Variants in ARHGAP31 observed in about 807,000 individuals in gnomAD.
The protein encoded by ARHGAP31 is Rho GTPase activating protein 31, also known as rho GTPase-activating protein 31.
A neutral mutation model predicts 113.9 loss-of-function variants in ARHGAP31; 34 were observed. That is an observed-to-expected ratio of 0.30 (90% CI 0.23 to 0.40). The LOEUF (loss-of-function observed/expected upper bound fraction) is 0.40, where lower values mean the gene tolerates loss of function less well. Ranked by LOEUF, ARHGAP31 falls within the 10% of genes least tolerant of loss-of-function variation. The pLI is 1.00. For synonymous variants in ARHGAP31, 650 were observed against 684.8 expected (o/e 0.95, Z 0.79); for missense variants, 1,548 against 1,767.1 (o/e 0.88, Z 2.22).
intron 6 of ARHGAP31, among the ~76,000 whole-genome samples, chr3:119,387,136 A>G (rs1406560771): frequency 6.6e-6 from 1 of 152,140 alleles, no homozygotes; most frequent in East Asian, 1.9e-4. Context: ...TCTGCTAAGT[A>G]GTGGGTGTTG....
At chr3:119,322,889 G>C (rs900068022) in intron 1 of ARHGAP31, 1 of 153,656 alleles carries the variant, frequency 6.5e-6, no homozygotes, top group Non-Finnish European at 1.4e-5. Flanking sequence ...GGGGTCCCGG[G>C]TGCCCTCTGC....
At position 119,295,187 on chromosome 3, in the gene ARHGAP31, T is replaced by C. The variant is rs79691701; in HGVS notation, c.100+183T>C. Among the ~76,000 whole-genome samples, 1,477 of 151,884 alleles carry C rather than the reference T, an allele frequency of 9.7e-3. 16 individuals carry two copies. The highest frequency in any genetic ancestry group is 0.033 in the African/African-American group (1,349 of 41,392). On this transcript the variant is annotated intron_variant, in intron 1 of 11. Transcript: ENST00000264245. ...AAACGATTCTTAAGGTGCACAGCGCTGCTGTCCCGACGCGCAGAGGCTGCT... is the reference window on the plus strand; with the variant it reads ...AAACGATTCTTAAGGTGCACAGCGCCGCTGTCCCGACGCGCAGAGGCTGCT...
At chr3:119,327,330 G>A (rs1376972922) in intron 1 of ARHGAP31, among the ~76,000 whole-genome samples, 1 of 151,764 alleles carries the variant, frequency 6.6e-6, no homozygotes, top group African/African-American at 2.4e-5. Context: ...ATCACCTGAG[G>A]TCAGGGAGTT....
intron 1 of ARHGAP31, among the ~76,000 whole-genome samples, chr3:119,311,348 A>G (rs1162635857): frequency 6.6e-6 from 1 of 152,030 alleles, no homozygotes; most frequent in Non-Finnish European, 1.5e-5. Flanking sequence ...TCCTTGACTC[A>G]TGTCACCTTT....
At chr3:119,361,606 T>C (rs2080207253) in intron 1 of ARHGAP31, among the ~76,000 whole-genome samples, 1 of 152,162 alleles carries the variant, frequency 6.6e-6, no homozygotes, top group Non-Finnish European at 1.5e-5. Flanking sequence ...GGTCTCAAAC[T>C]CCTGACCTCA....
chr3:119,403,075 T>C (rs986926333), intron 10 of ARHGAP31, among the ~76,000 whole-genome samples: 16 of 152,210 alleles, frequency 1.1e-4, no homozygotes, highest in African/African-American at 3.6e-4. Flanking sequence ...AGAGTTTCTT[T>C]AATTAACAAG....
At position 119,416,563 on chromosome 3, in the gene ARHGAP31, T is replaced by C; in HGVS notation, c.*299T>C. Reference sequence around the variant, plus strand: ...CTTTGGAGCTTGTATGTGAGTCAGATTGCTCCCCTATTGCTATTATCTATT... The same window carrying C: ...CTTTGGAGCTTGTATGTGAGTCAGACTGCTCCCCTATTGCTATTATCTATT... On this transcript the variant is annotated 3_prime_UTR_variant, in exon 12 of 12. Transcript: ENST00000264245. 1 of 432,422 alleles carries C rather than the reference T, an allele frequency of 2.3e-6. No homozygotes were observed. The highest frequency in any genetic ancestry group is 4.3e-6 in the Non-Finnish European group (1 of 231,836). 26.8% of individuals were successfully genotyped at this position (432,422 alleles called of 1,614,324 possible). A position where few individuals can be genotyped will look rare whatever the true frequency, so the allele number is the denominator to read the frequency against.
chr3:119,348,568 G>A (rs2080082674), intron 1 of ARHGAP31, among the ~76,000 whole-genome samples: 1 of 152,144 alleles, frequency 6.6e-6, no homozygotes, highest in South Asian at 2.1e-4. Context: ...CAAAATCTAT[G>A]GATTGTCAAG....
intron 3 of ARHGAP31, among the ~76,000 whole-genome samples, chr3:119,371,268 C>T (rs939531429): frequency 4.6e-5 from 7 of 152,188 alleles, no homozygotes; most frequent in South Asian, 4.1e-4. Context: ...TAGCCCTTGT[C>T]TACAGGCTCA....
At chr3:119,393,734 A>G in intron 8 of ARHGAP31, 143 bp downstream of exon 8, 1 of 1,233,698 alleles carries the variant, frequency 8.1e-7, no homozygotes, top group Non-Finnish European at 1.1e-6. Flanking sequence ...GTCTTTTTTC[A>G]AAACATTTTA....
At chr3:119,326,719 C>T (rs2079847189) in intron 1 of ARHGAP31, among the ~76,000 whole-genome samples, 3 of 152,202 alleles carry the variant, frequency 2.0e-5, no homozygotes, top group Admixed American at 2.0e-4. Context: ...CGTTTTGCCA[C>T]ACATGATGCT....
intron 10 of ARHGAP31, 101 bp from the exon 11 acceptor site, chr3:119,409,395 C>T: frequency 7.2e-7 from 1 of 1,394,172 alleles, no homozygotes; most frequent in Non-Finnish European, 1.0e-6. Context: ...TTCCCTCCAT[C>T]CTTCTGAAAC....
chr3:119,343,975 T>C (rs1020076511), intron 1 of ARHGAP31, among the ~76,000 whole-genome samples: 10 of 152,082 alleles, frequency 6.6e-5, no homozygotes, highest in African/African-American at 2.4e-4. Flanking sequence ...GGAGGGCAAA[T>C]AGGAGTCAGA....
intron 1 of ARHGAP31, chr3:119,329,898 C>T (rs886976300): frequency 1.0e-6 from 1 of 985,302 alleles, no homozygotes; most frequent in African/African-American, 1.7e-5. Flanking sequence ...TGCTGAGAAA[C>T]CTGGTAAATG....
chr3:119,416,883 A>G lies in ARHGAP31; in HGVS notation c.*619A>G, dbSNP rs565690237. ...TGCTCTTTCCCTGGAATCCCTGGAG[A>G]CCTGTCCAAGATGATTTCCATATAC... On this transcript the variant is annotated 3_prime_UTR_variant, in exon 12 of 12. Transcript: ENST00000264245. 6.1e-6 allele frequency: 1 copy of G among 162,750 alleles called. No homozygotes were observed. The highest frequency in any genetic ancestry group is 5.8e-5 in the Admixed American group (1 of 17,194). The allele number at this position is 162,750 out of a possible 1,614,324, so 10.1% of individuals were successfully genotyped here.
chr3:119,314,679 C>T (rs1039035628), intron 1 of ARHGAP31: 11 of 152,412 alleles, frequency 7.2e-5, no homozygotes, highest in African/African-American at 2.7e-4. Flanking sequence ...AAGGGATCCA[C>T]TGATGGAGGT....
At chr3:119,383,656 A>G (rs914676019) in intron 6 of ARHGAP31, among the ~76,000 whole-genome samples, 9 of 152,200 alleles carry the variant, frequency 5.9e-5, no homozygotes, top group Non-Finnish European at 1.2e-4. Context: ...TCTTAGAGGA[A>G]CAAGTTAAGA....
intron 1 of ARHGAP31, 62 bp from the exon 2 acceptor site, chr3:119,365,254 C>T (rs991551113): frequency 7.2e-7 from 1 of 1,390,782 alleles, no homozygotes; most frequent in South Asian, 1.2e-5. Flanking sequence ...AAAAGGATAT[C>T]TTTAAAAGAC....
intron 1 of ARHGAP31, chr3:119,324,827 C>A (rs531882205): frequency 2.3e-6 from 1 of 431,790 alleles, no homozygotes; most frequent in Non-Finnish European, 4.7e-6. Flanking sequence ...TTTTAATGGA[C>A]GACTCCTTTT....
Sources: allele counts gnomAD v4.1 joint callset (sites outside exome capture counted in the v4.1 genomes callset), GRCh38; gene constraint gnomAD v4.1.1; transcripts MANE v1.5; gene names NCBI Gene and HGNC (gene_info 2026-07-23, HGNC 2026-07-21).